Variants in WWOX observed in about 807,000 individuals in gnomAD.
The protein encoded by WWOX is WW domain containing oxidoreductase, also known as WW domain-containing oxidoreductase.
In WWOX, 69 loss-of-function variants were observed where a neutral mutation model predicts 46.2. That is an observed-to-expected ratio of 1.49 (90% CI 1.23 to 1.82). WWOX has a LOEUF of 1.82. Among genes scored for constraint, WWOX ranks in the 40% most tolerant of loss-of-function variants. The pLI is 0.00. For missense variants in WWOX, 919 were observed against 542.6 expected (o/e 1.69, Z -6.89); for synonymous variants, 359 against 202.6 (o/e 1.77, Z -6.56).
intron 8 of WWOX, among the ~76,000 whole-genome samples, chr16:78,802,271 G>A (rs1488542898): frequency 7.8e-6 from 1 of 128,368 alleles, no homozygotes; most frequent in African/African-American, 3.0e-5. Flanking sequence ...CACAGGCTCT[G>A]TGTTAAGATA....
rs566462787 is a variant in WWOX at position 78,585,497 on chromosome 16, G to A, written c.1056+152745G>A. Among the ~76,000 whole-genome samples, 46 of 152,260 alleles carry A rather than the reference G, an allele frequency of 3.0e-4. 1 individual carries two copies. The highest frequency in any genetic ancestry group is 3.4e-3 in the Middle Eastern group (1 of 294). The stretch of plus-strand genomic sequence containing the variant: ...ACTTTCACTGGCCAAAGTACTTGGG[G>A]TTAATTTAGCAAACCCCAGGATCCC... On this transcript the variant is annotated intron_variant, in intron 8 of 8. Coordinates refer to ENST00000566780, the MANE Select transcript of WWOX (RefSeq NM_016373.4).
chr16:78,608,032 C>G (rs769834301), intron 8 of WWOX, among the ~76,000 whole-genome samples: 4 of 152,142 alleles, frequency 2.6e-5, no homozygotes, highest in African/African-American at 7.2e-5. Context: ...CAACACAAAT[C>G]TTATATCATT....
intron 8 of WWOX, among the ~76,000 whole-genome samples, chr16:78,452,463 TTC>T (rs1197382527): frequency 2.0e-5 from 3 of 150,664 alleles, no homozygotes; most frequent in Admixed American, 6.6e-5. Context: ...AAATACTTTT[TTC>T]TCTCTCTCTC....
At chr16:78,723,610 T>C (rs1355233305) in intron 8 of WWOX, among the ~76,000 whole-genome samples, 21 of 118,516 alleles carry the variant, frequency 1.8e-4, no homozygotes, top group African/African-American at 6.2e-4. Flanking sequence ...TTCTTTTCTT[T>C]TCTTTTCTTT....
At chr16:78,800,872 G>A (rs973985460) in intron 8 of WWOX, among the ~76,000 whole-genome samples, 2 of 152,148 alleles carry the variant, frequency 1.3e-5, no homozygotes, top group Non-Finnish European at 2.9e-5. Flanking sequence ...CACTCAGTCT[G>A]ATAGTTTAGA....
At chr16:78,799,861 A>C (rs2050839735) in intron 8 of WWOX, among the ~76,000 whole-genome samples, 1 of 152,216 alleles carries the variant, frequency 6.6e-6, no homozygotes, top group African/African-American at 2.4e-5. Flanking sequence ...CATATTAGTC[A>C]AAGTTCCAGT....
At position 79,040,808 on chromosome 16, in the gene WWOX, A is replaced by T. The variant is rs2047956864; in HGVS notation, c.1057-170800A>T. On this transcript the variant is annotated intron_variant, in intron 8 of 8. Transcript: ENST00000566780. ...CTGAGTGCTTTGTCCTTGTCCGGAGAGCTCGGGGAGGAGCAAGGTTGTACT... is the reference window on the plus strand; with the variant it reads ...CTGAGTGCTTTGTCCTTGTCCGGAGTGCTCGGGGAGGAGCAAGGTTGTACT... 3.9e-5 allele frequency among the ~76,000 whole-genome samples: 6 copies of T among 151,940 alleles called. No homozygotes were observed. In the South Asian group the frequency reaches 1.2e-3, roughly 32 times the overall value.
intron 8 of WWOX, among the ~76,000 whole-genome samples, chr16:78,870,458 C>A (rs2044102066): frequency 6.6e-6 from 1 of 151,894 alleles, no homozygotes; most frequent in Admixed American, 6.6e-5. Flanking sequence ...GGAATTGATA[C>A]AATGTCTTGA....
chr16:78,592,831 A>G (rs1055535081), intron 8 of WWOX, among the ~76,000 whole-genome samples: 14 of 152,096 alleles, frequency 9.2e-5, no homozygotes, highest in Admixed American at 5.9e-4. Context: ...GCTTTGTGAC[A>G]TTGCTTCTAT....
At position 79,025,804 on chromosome 16, in the gene WWOX, C is replaced by CTTTTTTTTTTT. The variant is rs60681938; in HGVS notation, c.1057-185803_1057-185793dup. Among the ~76,000 whole-genome samples the CTTTTTTTTTTT allele has an allele frequency of 3.4e-3, 350 of 103,998 alleles. 20 individuals are homozygous for CTTTTTTTTTTT. Among genetic ancestry groups the CTTTTTTTTTTT allele is most frequent in the African/African-American group, 5.9e-3 (156 of 26,468 alleles). The allele number at this position is 103,998 out of a possible 152,430, so 68.2% of individuals were successfully genotyped here. Reference sequence around the variant, plus strand: ...TTCTTTGCTTTGCTTTGCTTGCTTGCTTTTTTTTTTTGAGACGGAGTTTTG... The same window carrying CTTTTTTTTTTT: ...TTCTTTGCTTTGCTTTGCTTGCTTGCTTTTTTTTTTTTTTTTTTTTTTGAGACGGAGTTTTG... On this transcript the variant is annotated intron_variant, in intron 8 of 8. Coordinates refer to ENST00000566780, the MANE Select transcript of WWOX (RefSeq NM_016373.4).
At chr16:78,820,395 G>T (rs138091376) in intron 8 of WWOX, among the ~76,000 whole-genome samples, 69 of 152,254 alleles carry the variant, frequency 4.5e-4, no homozygotes, top group African/African-American at 1.7e-3. Flanking sequence ...AGATCTGGGA[G>T]TATTGTTTGG....
intron 8 of WWOX, among the ~76,000 whole-genome samples, chr16:78,952,864 C>G (rs1254470837): frequency 6.6e-6 from 1 of 152,168 alleles, no homozygotes; most frequent in Non-Finnish European, 1.5e-5. Context: ...TTTAGAGGCA[C>G]TTGCTCAGGC....
intron 5 of WWOX, among the ~76,000 whole-genome samples, chr16:78,260,878 A>G (rs2079214928): frequency 6.8e-6 from 1 of 147,592 alleles, no homozygotes; most frequent in Non-Finnish European, 1.5e-5. Context: ...TGGAGGTTGC[A>G]GTGAGCCGAG....
chr16:78,267,279 AGTT>A (rs1400066874), intron 5 of WWOX: 2 of 152,232 alleles, frequency 1.3e-5, no homozygotes, highest in Admixed American at 6.5e-5. Flanking sequence ...AATACTTTTT[AGTT>A]GTTCTTTCTG....
At chr16:78,659,940 C>A (rs2047173994) in intron 8 of WWOX, among the ~76,000 whole-genome samples, 1 of 152,184 alleles carries the variant, frequency 6.6e-6, no homozygotes, top group South Asian at 2.1e-4. Context: ...AGAAATTTAA[C>A]ATGCTGTTAG....
At chr16:79,082,544 C>G (rs1310598017) in intron 8 of WWOX, among the ~76,000 whole-genome samples, 1 of 152,176 alleles carries the variant, frequency 6.6e-6, no homozygotes, top group Non-Finnish European at 1.5e-5. Flanking sequence ...CTTGGTCCAT[C>G]TTCATGGGTT....
At chr16:79,139,651 C>T (rs183349587) in intron 8 of WWOX, among the ~76,000 whole-genome samples, 2 of 151,560 alleles carry the variant, frequency 1.3e-5, no homozygotes, top group African/African-American at 4.9e-5. Flanking sequence ...GCAGGCCGAT[C>T]TTGTTGAAAT....
intron 8 of WWOX, among the ~76,000 whole-genome samples, chr16:79,141,621 A>C (rs572439866): frequency 3.3e-5 from 5 of 152,368 alleles, no homozygotes; most frequent in Admixed American, 3.3e-4. Context: ...CCTCCAAAGA[A>C]GTTTGGGGTG....
intron 8 of WWOX, among the ~76,000 whole-genome samples, chr16:79,056,351 C>G (rs989113106): frequency 2.0e-5 from 3 of 152,184 alleles, no homozygotes; most frequent in Admixed American, 1.3e-4. Flanking sequence ...TGAAGAATGA[C>G]TGTAATACAT....
Sources: allele counts gnomAD v4.1 joint callset (sites outside exome capture counted in the v4.1 genomes callset), GRCh38; gene constraint gnomAD v4.1.1; transcripts MANE v1.5; gene names NCBI Gene and HGNC (gene_info 2026-07-23, HGNC 2026-07-21).